The following ADGRL3 variants were observed in gnomAD, a reference collection of about 807,000 sequenced individuals.
ADGRL3 encodes the protein calcium-independent alpha-latrotoxin receptor 3.
ADGRL3 carries 62 observed loss-of-function variants against 153.5 expected under a neutral mutation model. The ratio of observed to expected loss-of-function variants is 0.40; its 90% CI spans 0.33 to 0.50. The LOEUF (loss-of-function observed/expected upper bound fraction) is 0.50, where lower values mean the gene tolerates loss of function less well. Among genes scored for constraint, ADGRL3 ranks in the 20% least tolerant of loss-of-function variants. ADGRL3 has a pLI of 0.47. For synonymous variants in ADGRL3, 710 were observed against 672.5 expected, an observed-to-expected ratio of 1.06 and a Z score of -0.86; for missense variants, 1,641 against 1,859.4, an observed-to-expected ratio of 0.88 and a Z score of 2.16.
intron 2 of ADGRL3, among the ~76,000 whole-genome samples, chr4:61,477,159 C>G (rs2098073816): frequency 6.6e-6 from 1 of 151,984 alleles, no homozygotes; most frequent in Non-Finnish European, 1.5e-5. Context: ...ATAGTTTGAG[C>G]CTCTATTCAA....
chr4:61,651,295 C>A (rs958970967), intron 5 of ADGRL3, among the ~76,000 whole-genome samples: 3 of 152,094 alleles, frequency 2.0e-5, no homozygotes, highest in Non-Finnish European at 4.4e-5. Context: ...TAAAGGTACA[C>A]CATAAATATA....
At chr4:61,799,244 A>G (rs1456984442) in intron 8 of ADGRL3, among the ~76,000 whole-genome samples, 1 of 151,770 alleles carries the variant, frequency 6.6e-6, no homozygotes, top group African/African-American at 2.4e-5. Flanking sequence ...TCTGCTTAGT[A>G]TATTTCACAT....
chr4:61,965,615 G>A (rs563963672), intron 17 of ADGRL3, among the ~76,000 whole-genome samples: 2 of 152,084 alleles, frequency 1.3e-5, no homozygotes, highest in South Asian at 2.1e-4. Flanking sequence ...GCCAGGCTTG[G>A]TGGCAGGCAC....
chr4:61,686,604 T>C (rs2095448463), intron 6 of ADGRL3, among the ~76,000 whole-genome samples: 1 of 152,136 alleles, frequency 6.6e-6, no homozygotes, highest in Non-Finnish European at 1.5e-5. Flanking sequence ...GGAATTAGCA[T>C]ATACAGCACT....
rs2148689341 is a variant in ADGRL3, at chr4:61,202,488, T to G, written c.-240+723T>G. 6.6e-6 allele frequency among the ~76,000 whole-genome samples: 1 copy of G among 152,156 alleles called. No individual in the cohort carries two copies. The highest frequency in any genetic ancestry group is 2.4e-5 in the African/African-American group (1 of 41,536). On this transcript the variant is annotated intron_variant, in intron 1 of 26. Transcript: ENST00000683033. This position sits in a 1 kb window ranked among gnomAD's most constrained non-coding sequence, Gnocchi z 5.0. ...CTTTCGTGGGTGGCCCGGGCTGCGCTGTGCTGGTAGTGGGCACTGGGCGGG... is the reference window on the plus strand; with the variant it reads ...CTTTCGTGGGTGGCCCGGGCTGCGCGGTGCTGGTAGTGGGCACTGGGCGGG...
chr4:61,720,149 G>C (rs1356276251), intron 6 of ADGRL3, among the ~76,000 whole-genome samples: 2 of 149,138 alleles, frequency 1.3e-5, no homozygotes, highest in African/African-American at 5.0e-5. Flanking sequence ...GAGTGCAGTG[G>C]TTCAATCTCA....
At chr4:61,880,844 T>A (rs968423711) in intron 9 of ADGRL3, among the ~76,000 whole-genome samples, 1 of 152,190 alleles carries the variant, frequency 6.6e-6, no homozygotes, top group Non-Finnish European at 1.5e-5. Context: ...AAATGAAATG[T>A]TTAATGGCCT....
intron 2 of ADGRL3, among the ~76,000 whole-genome samples, chr4:61,417,913 T>C (rs1407311972): frequency 1.3e-5 from 2 of 152,168 alleles, no homozygotes; most frequent in Admixed American, 1.3e-4. Context: ...ACTTGTTGCA[T>C]TTTTTAGAAA....
chr4:61,825,884 G>A (rs2097795759), intron 9 of ADGRL3, among the ~76,000 whole-genome samples: 1 of 152,178 alleles, frequency 6.6e-6, no homozygotes, highest in African/African-American at 2.4e-5. Flanking sequence ...CCTATGTGAT[G>A]AGGGGTGTAG....
intron 6 of ADGRL3, among the ~76,000 whole-genome samples, chr4:61,710,196 C>CCTTT (rs1296114505): frequency 2.0e-5 from 3 of 152,070 alleles, no homozygotes; most frequent in African/African-American, 4.8e-5. Flanking sequence ...GGAGTCAAAG[C>CCTTT]CTTTCTCCTT....
intron 9 of ADGRL3, among the ~76,000 whole-genome samples, chr4:61,872,944 T>G (rs1218799333): frequency 6.6e-6 from 1 of 152,218 alleles, no homozygotes; most frequent in Non-Finnish European, 1.5e-5. Flanking sequence ...TACAATGCTT[T>G]CTTTCAGTTC....
chr4:61,799,013 A>AG (rs1401705552), intron 8 of ADGRL3, among the ~76,000 whole-genome samples: 7 of 111,046 alleles, frequency 6.3e-5, no homozygotes, highest in African/African-American at 1.7e-4. Flanking sequence ...ATATATATAT[A>AG]TATATATATA....
intron 13 of ADGRL3, among the ~76,000 whole-genome samples, chr4:61,928,709 G>C (rs528889311): frequency 1.3e-5 from 2 of 152,200 alleles, no homozygotes; most frequent in African/African-American, 4.8e-5. Context: ...TCTGAACTCT[G>C]TCATCTTAAC....
chr4:61,324,031 A>G lies in ADGRL3; in HGVS notation c.-239-59093A>G, dbSNP rs183135733. On this transcript the variant is annotated intron_variant, in intron 1 of 26. Transcript: ENST00000683033. ...TAAGGAGGAGGAGGTCACATCTTACATGGATGGCAGCAGGCAAAGAGAGAG... is the reference window on the plus strand; with the variant it reads ...TAAGGAGGAGGAGGTCACATCTTACGTGGATGGCAGCAGGCAAAGAGAGAG... Among the ~76,000 whole-genome samples the G allele has an allele frequency of 6.1e-4, 93 of 152,282 alleles. 1 individual carries two copies. Among genetic ancestry groups the G allele is most frequent in the Non-Finnish European group, 1.0e-3 (70 of 68,028 alleles).
intron 1 of ADGRL3, among the ~76,000 whole-genome samples, chr4:61,367,390 C>G (rs1402280429): frequency 2.2e-5 from 3 of 135,676 alleles, no homozygotes; most frequent in African/African-American, 8.2e-5. Context: ...CTCCCCACTC[C>G]CCCCACCCCA....
At chr4:61,927,447 C>T (rs1389575971) in intron 13 of ADGRL3, among the ~76,000 whole-genome samples, 2 of 151,386 alleles carry the variant, frequency 1.3e-5, no homozygotes, top group Non-Finnish European at 2.9e-5. Context: ...CTTAAAGGTC[C>T]CTATTACTAT....
chr4:61,762,652 G>C (rs1405730726), intron 8 of ADGRL3, among the ~76,000 whole-genome samples: 1 of 152,088 alleles, frequency 6.6e-6, no homozygotes, highest in Non-Finnish European at 1.5e-5. Flanking sequence ...CTAATATTGA[G>C]AAAACTTGGT....
At chr4:61,761,803 C>T (rs1362764785) in intron 8 of ADGRL3, among the ~76,000 whole-genome samples, 1 of 152,102 alleles carries the variant, frequency 6.6e-6, no homozygotes, top group African/African-American at 2.4e-5. Flanking sequence ...GTGGCACATA[C>T]CTATAGTGTC....
intron 6 of ADGRL3, among the ~76,000 whole-genome samples, chr4:61,694,139 GCTATTTTTCTGTCCTATA>G (rs1346844145): frequency 1.4e-5 from 2 of 140,096 alleles, no homozygotes; most frequent in Admixed American, 1.4e-4. Flanking sequence ...ATTATATCAT[GCTATTTTTCTGTCCTATA>G]CTATTTTAAA....
Sources: allele counts gnomAD v4.1 joint callset (sites outside exome capture counted in the v4.1 genomes callset), GRCh38; gene constraint gnomAD v4.1.1; non-coding constraint Gnocchi (gnomAD v3.1); transcripts MANE v1.5; gene names NCBI Gene and HGNC (gene_info 2026-07-23, HGNC 2026-07-21).